The following SGCD variants were observed in gnomAD, a reference collection of about 807,000 sequenced individuals.
SGCD encodes sarcoglycan delta, also known as delta-sarcoglycan.
Under a neutral mutation model 36.6 loss-of-function variants are expected in SGCD, and 18 were observed. The observed-to-expected ratio is 0.49, with a 90% CI of 0.34 to 0.73. The LOEUF is 0.73. Among genes scored for constraint, SGCD ranks in the 30% least tolerant of loss-of-function variants. The pLI, the probability that SGCD is intolerant of heterozygous loss-of-function variation, is 0.01. For missense variants in SGCD, 387 were observed against 346.7 expected, an observed-to-expected ratio of 1.12 and a Z score of -0.92; for synonymous variants, 133 against 130.6, an observed-to-expected ratio of 1.02 and a Z score of -0.12.
chr5:156,598,895 G>T (rs560345757), intron 6 of SGCD, among the ~76,000 whole-genome samples: 2 of 152,140 alleles, frequency 1.3e-5, no homozygotes, highest in Non-Finnish European at 2.9e-5. Context: ...GGGTATTTTC[G>T]TTGTTGTTTG....
At chr5:155,736,113 A>G in the SGCD span, among the ~76,000 whole-genome samples, 8 of 152,236 alleles carry the variant, frequency 5.3e-5, no homozygotes, top group Non-Finnish European at 1.2e-4. Context: ...AAACATGTGC[A>G]GTGTACTTTG....
chr5:156,580,593 C>G (rs896227214), intron 4 of SGCD, among the ~76,000 whole-genome samples: 18 of 152,100 alleles, frequency 1.2e-4, no homozygotes, highest in Admixed American at 1.1e-3. Flanking sequence ...AGGCTTTGTT[C>G]GTTTCTCTTT....
Position 156,150,844 on chromosome 5 carries a change from C to T in SGCD, c.-44+26825C>T, listed in dbSNP as rs977794292. ...TTTTTCCTCAAAGCTGCTCAGTGGTCTTTATATTTATTCTGTGACATAAAA... is the reference window on the plus strand; with the variant it reads ...TTTTTCCTCAAAGCTGCTCAGTGGTTTTTATATTTATTCTGTGACATAAAA... On this transcript the variant is annotated intron_variant, in intron 3 of 9. Coordinates refer to the SGCD transcript ENST00000517913. Among the ~76,000 whole-genome samples the T allele has an allele frequency of 1.2e-4, 18 of 151,612 alleles. 2 individuals carry two copies. The highest frequency in any genetic ancestry group is 4.4e-4 in the African/African-American group (18 of 40,984).
intron 3 of SGCD, among the ~76,000 whole-genome samples, chr5:156,431,996 G>A (rs374605658): frequency 2.6e-5 from 4 of 152,082 alleles, no homozygotes; most frequent in African/African-American, 9.7e-5. Flanking sequence ...AATTACAGGC[G>A]TGAGCCACCG....
chr5:156,702,946 G>A (rs915825561), intron 7 of SGCD, among the ~76,000 whole-genome samples: 2 of 152,138 alleles, frequency 1.3e-5, no homozygotes, highest in Non-Finnish European at 2.9e-5. Flanking sequence ...AGCCAGTAAA[G>A]TTACTGCCCA....
intron 6 of SGCD, among the ~76,000 whole-genome samples, chr5:156,619,780 G>T (rs968095919): frequency 3.3e-5 from 5 of 152,294 alleles, no homozygotes. Context: ...TTATTGGAAA[G>T]ACTTGAATTT....
At chr5:156,040,687 C>A (rs1326326698) in intron 1 of SGCD, among the ~76,000 whole-genome samples, 1 of 152,178 alleles carries the variant, frequency 6.6e-6, no homozygotes, top group Admixed American at 6.5e-5. Context: ...GATCTCTCAT[C>A]CAGCTGTTGG....
At chr5:156,497,618 G>A (rs937124356) in intron 3 of SGCD, among the ~76,000 whole-genome samples, 15 of 145,552 alleles carry the variant, frequency 1.0e-4, no homozygotes, top group African/African-American at 3.4e-4. Flanking sequence ...ACTTGTGCGC[G>A]TGCTTTCTCT....
chr5:155,778,238 G>C, the SGCD span, among the ~76,000 whole-genome samples: 1 of 152,158 alleles, frequency 6.6e-6, no homozygotes, highest in Non-Finnish European at 1.5e-5. Context: ...TTTGTGTCTT[G>C]CATGGCTTAG....
At chr5:156,232,990 T>C (rs1561576677) in intron 3 of SGCD, among the ~76,000 whole-genome samples, 1 of 152,208 alleles carries the variant, frequency 6.6e-6, no homozygotes, top group African/African-American at 2.4e-5. Flanking sequence ...GATGAAAAGC[T>C]AGTGGCAGAC....
intron 7 of SGCD, among the ~76,000 whole-genome samples, chr5:156,653,826 G>T (rs1763569750): frequency 6.6e-6 from 1 of 151,964 alleles, no homozygotes; most frequent in South Asian, 2.1e-4. Flanking sequence ...GTCTTACTTG[G>T]CCACATTCAC....
At chr5:155,737,743 G>A in the SGCD span, among the ~76,000 whole-genome samples, 2 of 152,144 alleles carry the variant, frequency 1.3e-5, no homozygotes, top group Non-Finnish European at 2.9e-5. Flanking sequence ...TGGCCTCTGG[G>A]TCATGACTGA....
intron 3 of SGCD, among the ~76,000 whole-genome samples, chr5:156,129,213 A>G (rs1415144321): frequency 3.9e-5 from 6 of 152,226 alleles, no homozygotes; most frequent in Non-Finnish European, 2.9e-5. Flanking sequence ...AAATTTTGTT[A>G]GGAACTGCCA....
intron 4 of SGCD, among the ~76,000 whole-genome samples, chr5:156,582,799 A>G (rs1760327873): frequency 1.3e-5 from 2 of 152,138 alleles, no homozygotes; most frequent in South Asian, 4.1e-4. Context: ...ACACAGGTGC[A>G]TGCATGCACG....
chr5:156,210,806 G>T (rs1764419947), intron 3 of SGCD, among the ~76,000 whole-genome samples: 1 of 152,038 alleles, frequency 6.6e-6, no homozygotes, highest in South Asian at 2.1e-4. Context: ...AAAGCTTATG[G>T]AATTTACAGA....
the SGCD span, among the ~76,000 whole-genome samples, chr5:155,776,934 A>G: frequency 0.19 from 29,032 of 152,056 alleles, 3,682 homozygotes; most frequent in Admixed American, 0.4. Context: ...CACCACAATC[A>G]CACTTCATCA....
Position 156,647,456 on chromosome 5 carries a change from GT to G in SGCD, c.503-5del. 6.4e-7 allele frequency: 1 copy of G among 1,571,520 alleles called. No homozygotes were observed. The highest frequency in any genetic ancestry group is 8.7e-7 in the Non-Finnish European group (1 of 1,155,054). On this transcript the variant is annotated splice_polypyrimidine_tract_variant and splice_region_variant and intron_variant, in intron 6 of 8. Coordinates refer to ENST00000337851, the MANE Select transcript of SGCD (RefSeq NM_000337.6). ...CAATCTCTGTTTGCTTTTCTGTTTT[GT>G]TTACAGGAGCGGAGGGCACAGTGTT...
At chr5:156,090,993 G>A (rs1761227844) in intron 1 of SGCD, among the ~76,000 whole-genome samples, 1 of 152,068 alleles carries the variant, frequency 6.6e-6, no homozygotes, top group African/African-American at 2.4e-5. Context: ...CTTTTTCAGG[G>A]TGCCCTGATT....
At chr5:156,557,899 C>A (rs1009055102) in intron 4 of SGCD, among the ~76,000 whole-genome samples, 2 of 151,556 alleles carry the variant, frequency 1.3e-5, no homozygotes, top group African/African-American at 4.8e-5. Flanking sequence ...TTTCTCTAAA[C>A]CTGTGAAAAT....
Sources: gnomAD v4.1 joint callset for allele counts (sites outside exome capture counted in the v4.1 genomes callset) on GRCh38, gnomAD v4.1.1 for gene constraint, MANE v1.5 for transcripts, NCBI Gene and HGNC (gene_info 2026-07-23, HGNC 2026-07-21) for gene names.